Variants in MEI4 observed in about 807,000 individuals in gnomAD.
MEI4 encodes meiotic double-stranded break formation protein 4, also known as meiosis-specific protein MEI4.
In MEI4, 27 loss-of-function variants were observed where a neutral mutation model predicts 31.4. The observed-to-expected ratio is 0.86, with a 90% confidence interval of 0.63 to 1.19. The LOEUF is 1.19. MEI4 is among the 50% of genes most tolerant of loss of function. The pLI is 0.00. For synonymous variants in MEI4, 122 were observed against 145.4 expected (o/e 0.84, Z 1.16); for missense variants, 329 against 398.9 (o/e 0.82, Z 1.49).
At chr6:77,675,773 C>T (rs996119479) in intron 1 of MEI4, among the ~76,000 whole-genome samples, 2 of 152,032 alleles carry the variant, frequency 1.3e-5, no homozygotes, top group African/African-American at 4.8e-5. Flanking sequence ...GTGCACATTC[C>T]TTCCTGTACA....
intron 4 of MEI4, among the ~76,000 whole-genome samples, chr6:77,854,819 T>C (rs551466478): frequency 6.7e-4 from 102 of 152,142 alleles, no homozygotes; most frequent in Admixed American, 2.6e-3. Context: ...AAAGCAACCG[T>C]CTGGTATAGG....
intron 4 of MEI4, among the ~76,000 whole-genome samples, chr6:77,864,062 A>C (rs1770948513): frequency 6.6e-6 from 1 of 152,202 alleles, no homozygotes; most frequent in Non-Finnish European, 1.5e-5. Context: ...GCCTGCCCTA[A>C]AAGAGCTCCT....
chr6:77,736,508 G>A (rs1480116155), intron 2 of MEI4, among the ~76,000 whole-genome samples: 8 of 151,970 alleles, frequency 5.3e-5, no homozygotes, highest in South Asian at 2.1e-4. Flanking sequence ...AACGGTGCGC[G>A]CACACACTGA....
intron 3 of MEI4, among the ~76,000 whole-genome samples, chr6:77,811,890 C>G (rs1769582308): frequency 1.3e-5 from 2 of 152,044 alleles, no homozygotes; most frequent in Non-Finnish European, 2.9e-5. Flanking sequence ...CTATACTTAG[C>G]TGTTTTATTT....
In MEI4 at chr6:77,722,802, AT is replaced by A. The variant is rs957341521; in HGVS notation, c.232+31905del. Among the ~76,000 whole-genome samples the A allele has an allele frequency of 2.4e-5, 3 of 123,314 alleles. No individual in the cohort carries two copies. The Admixed American group carries it at 2.5e-4, about 10-fold the overall frequency. 80.9% of individuals were successfully genotyped at this position (123,314 alleles called of 152,430 possible). On this transcript the variant is annotated intron_variant, in intron 2 of 4. Transcript: ENST00000684080. ...CTGTAACAGCCTTTTGTTTAGGCCA[AT>A]TTTTTGGCCACTGATTTAAAGCAAT... is the stretch of plus-strand genomic sequence containing the variant.
At chr6:77,862,637 C>T (rs1770896329) in intron 4 of MEI4, among the ~76,000 whole-genome samples, 1 of 152,170 alleles carries the variant, frequency 6.6e-6, no homozygotes, top group African/African-American at 2.4e-5. Flanking sequence ...TCTGTAGACT[C>T]CACCTCTGGG....
At chr6:77,804,423 T>A (rs6918963) in intron 3 of MEI4, among the ~76,000 whole-genome samples, 1 of 151,992 alleles carries the variant, frequency 6.6e-6, no homozygotes, top group Non-Finnish European at 1.5e-5. Context: ...ATGCCTCGCT[T>A]TGCTTTGGCT....
intron 2 of MEI4, among the ~76,000 whole-genome samples, chr6:77,701,604 CAT>C (rs71734142): frequency 0.14 from 20,858 of 151,222 alleles, 1,510 homozygotes; most frequent in Middle Eastern, 0.2. Context: ...ATGTAATATA[CAT>C]AGATATATAA....
At chr6:77,705,993 A>G (rs2048595) in intron 2 of MEI4, among the ~76,000 whole-genome samples, 56,955 of 151,998 alleles carry the variant, frequency 0.37, 11,970 homozygotes, top group East Asian at 0.5. Context: ...GTGCTTTGGT[A>G]TGCTGAGTAC....
At chr6:77,703,961 A>AG (rs1766277918) in intron 2 of MEI4, among the ~76,000 whole-genome samples, 2 of 152,248 alleles carry the variant, frequency 1.3e-5, no homozygotes, top group Non-Finnish European at 2.9e-5. Context: ...TGCAAATGGA[A>AG]GGACAGCATG....
intron 4 of MEI4, among the ~76,000 whole-genome samples, chr6:77,856,249 GTCTT>G (rs1770743139): frequency 1.3e-5 from 2 of 152,044 alleles, no homozygotes; most frequent in African/African-American, 4.8e-5. Flanking sequence ...GTACATTATT[GTCTT>G]TCTTATATCT....
In MEI4 at chr6:77,822,148, G is replaced by A. The variant is rs1475319486; in HGVS notation, c.769-6783G>A. 3.3e-5 allele frequency among the ~76,000 whole-genome samples: 5 copies of A among 152,126 alleles called. No individual in the cohort carries two copies. In the East Asian group the frequency reaches 9.7e-4, roughly 29 times the overall value. ...ATTCTGCATTACATTAAAATTTGCT[G>A]ATTTATTTCGTGTTAAGATATACTA... On this transcript the variant is annotated intron_variant, in intron 3 of 4. Coordinates refer to ENST00000684080, the MANE Select transcript of MEI4 (RefSeq NM_001322247.2).
rs558072217 is a variant in MEI4, at chr6:77,796,546, C to T, written c.769-32385C>T. Among the ~76,000 whole-genome samples, 9 of 152,190 alleles carry T rather than the reference C, an allele frequency of 5.9e-5. No homozygotes were observed. In the South Asian group the frequency reaches 1.7e-3, roughly 28 times the overall value. ...CTGCAAAATAAACATTTAAAAAAAT[C>T]AGGTGTGCTTCTATACACTAACAAC... is the stretch of plus-strand genomic sequence containing the variant. On this transcript the variant is annotated intron_variant, in intron 3 of 4. Coordinates refer to ENST00000684080, the MANE Select transcript of MEI4 (RefSeq NM_001322247.2).
At chr6:77,803,651 G>A (rs1452708975) in intron 3 of MEI4, among the ~76,000 whole-genome samples, 1 of 152,068 alleles carries the variant, frequency 6.6e-6, no homozygotes, top group South Asian at 2.1e-4. Flanking sequence ...TGGTGTTTTG[G>A]TGTGGATGTC....
intron 4 of MEI4, among the ~76,000 whole-genome samples, chr6:77,876,616 G>T (rs565430515): frequency 6.6e-6 from 1 of 152,232 alleles, no homozygotes; most frequent in Non-Finnish European, 1.5e-5. Context: ...TAAGAATTTA[G>T]GTATCAAGTA....
chr6:77,746,096 C>T (rs545942170), intron 2 of MEI4, among the ~76,000 whole-genome samples: 3 of 152,190 alleles, frequency 2.0e-5, no homozygotes, highest in East Asian at 1.9e-4. Context: ...CAAAAGCTAG[C>T]AGAAGGCAAG....
chr6:77,874,900 G>A (rs377311758), intron 4 of MEI4, among the ~76,000 whole-genome samples: 2 of 152,158 alleles, frequency 1.3e-5, no homozygotes, highest in Non-Finnish European at 2.9e-5. Context: ...TTATATGCTG[G>A]ATTACATTTA....
intron 1 of MEI4, among the ~76,000 whole-genome samples, chr6:77,660,573 AGTGGTGGGG>A (rs1768485786): frequency 6.6e-6 from 1 of 151,790 alleles, no homozygotes; most frequent in African/African-American, 2.4e-5. Flanking sequence ...GCTTGGCCTA[AGTGGTGGGG>A]GTGACTTCGT....
chr6:77,751,021 G>C lies in MEI4; in HGVS notation c.233-10109G>C, dbSNP rs552117779. ...ACAACCTGCTCCTGAATGACTACTG[G>C]GTAAATAATGAAATGAAGGCAGAAA... On this transcript the variant is annotated intron_variant, in intron 2 of 4. Coordinates refer to ENST00000684080, the MANE Select transcript of MEI4 (RefSeq NM_001322247.2). Among the ~76,000 whole-genome samples, 12 of 152,106 alleles carry C rather than the reference G, an allele frequency of 7.9e-5. 1 individual carries two copies. The highest frequency in any genetic ancestry group is 2.7e-4 in the African/African-American group (11 of 41,466).
Sources: allele counts gnomAD v4.1 joint callset (sites outside exome capture counted in the v4.1 genomes callset), GRCh38; gene constraint gnomAD v4.1.1; transcripts MANE v1.5; gene names NCBI Gene and HGNC (gene_info 2026-07-23, HGNC 2026-07-21).